The following MSI2 variants were observed in gnomAD, a reference collection of about 807,000 sequenced individuals.
MSI2 encodes RNA-binding protein Musashi homolog 2.
A neutral mutation model predicts 45.6 loss-of-function variants in MSI2; 17 were observed. The observed-to-expected ratio is 0.37, with a 90% confidence interval of 0.26 to 0.56. MSI2 has a LOEUF of 0.56. Among genes scored for constraint, MSI2 ranks in the 20% least tolerant of loss-of-function variants. MSI2 has a pLI of 0.77. For synonymous variants in MSI2, 156 were observed against 158.2 expected (o/e 0.99, Z 0.11); for missense variants, 293 against 444.2 (o/e 0.66, Z 3.06).
intron 6 of MSI2, among the ~76,000 whole-genome samples, chr17:57,496,740 C>T (rs556931865): frequency 3.5e-4 from 53 of 152,358 alleles, no homozygotes; most frequent in African/African-American, 1.3e-3. Flanking sequence ...AGGGTGGGAA[C>T]AAGACAGTTC....
intron 8 of MSI2, among the ~76,000 whole-genome samples, chr17:57,604,111 T>C (rs982016595): frequency 2.6e-5 from 4 of 152,250 alleles, no homozygotes; most frequent in African/African-American, 9.6e-5. Context: ...TCCTCAGTGC[T>C]GAACCCCCTT....
At position 57,682,751 on chromosome 17, in the gene MSI2, C is replaced by A. The variant is rs1913691952; in HGVS notation, c.*3234C>A. On this transcript the variant is annotated 3_prime_UTR_variant, in exon 14 of 14. Coordinates refer to ENST00000284073, the MANE Select transcript of MSI2 (RefSeq NM_138962.4). ...CCTTTCGCCTTCCCTGGGGGAGAAA[C>A]CCTCTTGGCTGATGGCTTTTCCCCG... 4.5e-6 allele frequency: 1 copy of A among 221,882 alleles called. No individual in the cohort carries two copies. Among genetic ancestry groups the A allele is most frequent in the Non-Finnish European group, 9.0e-6 (1 of 111,092 alleles). 13.7% of individuals were successfully genotyped at this position (221,882 alleles called of 1,614,324 possible).
chr17:57,356,137 A>G (rs1204774337), intron 5 of MSI2, among the ~76,000 whole-genome samples: 1 of 152,134 alleles, frequency 6.6e-6, no homozygotes, highest in Non-Finnish European at 1.5e-5. Flanking sequence ...AGCCTCCCAA[A>G]GTGCTGGGAT....
At chr17:57,490,947 G>T (rs2085858900) in intron 6 of MSI2, among the ~76,000 whole-genome samples, 1 of 152,118 alleles carries the variant, frequency 6.6e-6, no homozygotes, top group Non-Finnish European at 1.5e-5. Flanking sequence ...CTGCCACTTA[G>T]AATGGCTCAG....
the MSI2 span, among the ~76,000 whole-genome samples, chr17:57,697,400 C>T: frequency 1.3e-5 from 2 of 152,092 alleles, no homozygotes; most frequent in Non-Finnish European, 2.9e-5. Context: ...CACTCCTGCT[C>T]AGTCTTCGCC....
intron 10 of MSI2, among the ~76,000 whole-genome samples, chr17:57,644,731 G>GT (rs1211942387): frequency 6.6e-6 from 1 of 152,168 alleles, no homozygotes; most frequent in African/African-American, 2.4e-5. Context: ...AGTGCTTTAA[G>GT]TAAGCACAAC....
At chr17:57,289,459 T>A (rs867314229) in intron 5 of MSI2, among the ~76,000 whole-genome samples, 4 of 147,522 alleles carry the variant, frequency 2.7e-5, no homozygotes, top group Admixed American at 7.0e-5. Context: ...ATGCACTGAA[T>A]GGATTTTTAT....
At chr17:57,588,948 G>T (rs780644441) in intron 7 of MSI2, among the ~76,000 whole-genome samples, 1 of 152,224 alleles carries the variant, frequency 6.6e-6, no homozygotes, top group East Asian at 1.9e-4. Flanking sequence ...ACTCCCCAGG[G>T]TGGGGCTGGG....
intron 5 of MSI2, among the ~76,000 whole-genome samples, chr17:57,297,529 C>G (rs911931773): frequency 2.6e-5 from 4 of 152,166 alleles, no homozygotes; most frequent in African/African-American, 9.7e-5. Flanking sequence ...ATGTTGATGG[C>G]TGCTGACTGA....
chr17:57,689,585 A>G (rs1302157631), downstream of MSI2, among the ~76,000 whole-genome samples: 1 of 152,254 alleles, frequency 6.6e-6, no homozygotes, highest in Non-Finnish European at 1.5e-5. Context: ...TAAGTGCACA[A>G]TTCCACGAGT....
chr17:57,345,096 A>T (rs931054699), intron 5 of MSI2, among the ~76,000 whole-genome samples: 1 of 151,982 alleles, frequency 6.6e-6, no homozygotes, highest in African/African-American at 2.4e-5. Flanking sequence ...GGAAGGGTTC[A>T]AGGCTTGTTT....
chr17:57,284,183 T>C (rs1909663727), intron 5 of MSI2, among the ~76,000 whole-genome samples: 1 of 152,164 alleles, frequency 6.6e-6, no homozygotes, highest in Non-Finnish European at 1.5e-5. Flanking sequence ...TTCCCTTCTT[T>C]AATGAAAGAG....
chr17:57,502,636 T>TATATATATAGAGAGAGAGAGAGAG, intron 6 of MSI2, among the ~76,000 whole-genome samples: 4 of 96,902 alleles, frequency 4.1e-5, no homozygotes, highest in Admixed American at 1.3e-4. Flanking sequence ...TATATATATA[T>TATATATATAGAGAGAGAGAGAGAG]AGTCATCATT....
chr17:57,401,241 C>T (rs1181395285), intron 5 of MSI2, 138 bp from the exon 6 acceptor site: 9 of 670,244 alleles, frequency 1.3e-5, no homozygotes, highest in Admixed American at 6.9e-5. Flanking sequence ...GACATCTAAA[C>T]GCCCGCGCCA....
rs1278982426 is a variant in MSI2 at position 57,643,522 on chromosome 17, C to T, written c.728-8577C>T. Among the ~76,000 whole-genome samples, 3 of 152,208 alleles carry T rather than the reference C, an allele frequency of 2.0e-5. No individual in the cohort carries two copies. In the East Asian group the frequency reaches 5.8e-4, roughly 29 times the overall value. On this transcript the variant is annotated intron_variant, in intron 10 of 13. Transcript: ENST00000284073. ...CTGAGTGCTTCCCAGTTGCAGGGAA[C>T]CTGCGGACAGACACACACCTTCCGC... is the stretch of plus-strand genomic sequence containing the variant.
intron 9 of MSI2, among the ~76,000 whole-genome samples, chr17:57,619,451 G>T (rs1432001309): frequency 2.6e-5 from 4 of 152,262 alleles, no homozygotes; most frequent in African/African-American, 9.6e-5. Flanking sequence ...GTCATGAGGA[G>T]TGGAAGCCAG....
intron 5 of MSI2, among the ~76,000 whole-genome samples, chr17:57,318,172 GGAAGGTGA>G (rs1239527196): frequency 1.3e-5 from 2 of 151,204 alleles, no homozygotes; most frequent in Non-Finnish European, 3.0e-5. Context: ...AATGGAAGGT[GGAAGGTGA>G]GAAGGTGAGA....
intron 7 of MSI2, among the ~76,000 whole-genome samples, chr17:57,563,691 G>A (rs1277297172): frequency 1.3e-5 from 2 of 148,914 alleles, no homozygotes; most frequent in African/African-American, 5.0e-5. Flanking sequence ...CTGACTGTCT[G>A]TCTGTCTGTC....
chr17:57,260,986 T>G (rs1907254741), intron 4 of MSI2, among the ~76,000 whole-genome samples: 1 of 149,968 alleles, frequency 6.7e-6, no homozygotes, highest in Non-Finnish European at 1.5e-5. Context: ...AAGGAAAACA[T>G]TTTAATATGA....
Sources: gnomAD v4.1 joint callset for allele counts (sites outside exome capture counted in the v4.1 genomes callset) on GRCh38, gnomAD v4.1.1 for gene constraint, MANE v1.5 for transcripts, NCBI Gene and HGNC (gene_info 2026-07-23, HGNC 2026-07-21) for gene names.